Variants in ALDH3A1 observed in about 807,000 individuals in gnomAD.
ALDH3A1 encodes aldehyde dehydrogenase, dimeric NADP-preferring.
In ALDH3A1, 46 loss-of-function variants were observed where a neutral mutation model predicts 49.9. The observed-to-expected ratio is 0.92, with a 90% CI of 0.73 to 1.18. ALDH3A1 has a LOEUF of 1.18. Ranked by LOEUF, ALDH3A1 falls within the 50% of genes most tolerant of loss-of-function variation. The probability of loss-of-function intolerance (pLI) is 0.00; values close to 1 mark genes in which losing one functional copy is unlikely to be tolerated. For synonymous variants in ALDH3A1, 269 were observed against 253.3 expected (o/e 1.06, Z -0.59); for missense variants, 592 against 611.8 (o/e 0.97, Z 0.34).
intron 2 of ALDH3A1, chr17:19,744,137 C>CCTGT: frequency 1.0e-6 from 1 of 984,992 alleles, no homozygotes; most frequent in Non-Finnish European, 1.2e-6. Flanking sequence ...GTGGCTCATG[C>CCTGT]CTGTAATCCC....
Position 19,739,606 on chromosome 17 carries a change from G to A in ALDH3A1, c.1018C>T (p.Leu340=). Residue 340 remains leucine, a synonymous_variant, in exon 8 of 11, where the codon CTG becomes TTG. Coordinates refer to ENST00000225740, the MANE Select transcript of ALDH3A1 (RefSeq NM_000691.5). The part of the protein sequence containing the change: ...VMQEEIFGPV[L]PIVCVRSLEE... ...AGGCTGCGCACGCACACGATGGGCA[G>A]CACAGGCCCGAAGATCTCCTCTTGC... 7.4e-6 allele frequency: 12 copies of A among 1,613,904 alleles called. No homozygotes were observed. The highest frequency in any genetic ancestry group is 1.0e-5 in the Non-Finnish European group (12 of 1,179,952).
In ALDH3A1 at chr17:19,740,419, C is replaced by G. The variant is rs115638369; in HGVS notation, c.866G>C (p.Arg289Pro). 3.7e-6 allele frequency: 6 copies of G among 1,614,106 alleles called. No homozygotes were observed. In the African/African-American group the frequency reaches 6.7e-5, roughly 18 times the overall value. Reference protein sequence around the residue: ...SRDYGRIISARHFQRVMGLIE... With the variant: ...SRDYGRIISAPHFQRVMGLIE... ...CAGGCCCATCACCCTCTGGAAGTGC[C>G]GGGCACTAATGATTCTTCCATAGTC... Residue 289 changes from arginine to proline, a missense_variant, in exon 7 of 11, where the codon CGG (arginine) becomes CCG (proline). Physicochemically the swap from Arg to Pro is moderately radical, Grantham distance 103. Coordinates refer to ENST00000225740, the MANE Select transcript of ALDH3A1 (RefSeq NM_000691.5).
intron 2 of ALDH3A1, 56 bp downstream of exon 2, chr17:19,744,912 C>G (rs943461245): frequency 8.8e-7 from 1 of 1,133,144 alleles, no homozygotes; most frequent in Non-Finnish European, 1.2e-6. Flanking sequence ...CCCCTCCCCC[C>G]ACGCCCCATC....
chr17:19,743,549 A>G lies in ALDH3A1; in HGVS notation c.163-86T>C. ...TGGGGAGCCCCACTGCTCAGCTGCC[A>G]GGGTGATGGGGGTCACTCACCCAGC... is the stretch of plus-strand genomic sequence containing the variant. On this transcript the variant is annotated intron_variant, in intron 2 of 10. Coordinates refer to ENST00000225740, the MANE Select transcript of ALDH3A1 (RefSeq NM_000691.5). The surrounding 1 kb of genome is among the most constrained non-coding windows in gnomAD (Gnocchi z 4.4). The G allele has an allele frequency of 3.3e-6, 5 of 1,506,780 alleles. No homozygotes were observed. In the South Asian group the frequency reaches 6.7e-5, roughly 20 times the overall value. 93.3% of individuals were successfully genotyped at this position (1,506,780 alleles called of 1,614,324 possible). A position where few individuals can be genotyped will look rare whatever the true frequency, so the allele number is the denominator to read the frequency against.
Position 19,741,193 on chromosome 17 carries a change from T to C in ALDH3A1, c.707A>G (p.Lys236Arg). The change falls in exon 6 of 11, where the codon AAA (lysine) becomes AGA (arginine). Residue 236 changes from lysine (K) to arginine (R), a missense_variant. By Grantham distance (26) the Lys-to-Arg change is conservative. Transcript: ENST00000225740. ...GCAGGTCTGGCCACTGTTCATGAAT[T>C]TCCCCCAGGCGATGCGTCTGTGAGA... ...DVACRRIAWG[K>R]FMNSGQTCVA... The C allele has an allele frequency of 6.2e-7, 1 of 1,613,738 alleles. No homozygotes were observed. Among genetic ancestry groups the C allele is most frequent in the Non-Finnish European group, 8.5e-7 (1 of 1,179,750 alleles).
In ALDH3A1 at chr17:19,743,052, A is replaced by C; in HGVS notation, c.394+180T>G. The stretch of plus-strand genomic sequence containing the variant: ...CACCAGGTGTGGACACCTGAGCCTG[A>C]CTGGACCTCAGGCACCAAGAGGCCT... On this transcript the variant is annotated intron_variant, in intron 3 of 10. Transcript: ENST00000225740. This position sits in a 1 kb window ranked among gnomAD's most constrained non-coding sequence, Gnocchi z 4.4. 4 of 1,533,392 alleles carry C rather than the reference A, an allele frequency of 2.6e-6. No homozygotes were observed. The highest frequency in any genetic ancestry group is 3.5e-6 in the Non-Finnish European group (4 of 1,145,852). 95.0% of individuals were successfully genotyped at this position (1,533,392 alleles called of 1,614,324 possible). A position where few individuals can be genotyped will look rare whatever the true frequency, so the allele number is the denominator to read the frequency against.
At chr17:19,745,879 G>A (rs2086588809) in intron 1 of ALDH3A1, among the ~76,000 whole-genome samples, 1 of 152,206 alleles carries the variant, frequency 6.6e-6, no homozygotes. Context: ...AAACATTCAC[G>A]AATAAGAAAG....
At chr17:19,740,307 G>T (rs1377838580) in intron 7 of ALDH3A1, 29 bp downstream of exon 7, 2 of 1,608,558 alleles carry the variant, frequency 1.2e-6, no homozygotes, top group Non-Finnish European at 1.7e-6. Context: ...GCCTGGGCAG[G>T]TGGGCTGTGC....
At chr17:19,746,527 T>G (rs1396224510) in intron 1 of ALDH3A1, among the ~76,000 whole-genome samples, 1 of 151,536 alleles carries the variant, frequency 6.6e-6, no homozygotes, top group African/African-American at 2.4e-5. Flanking sequence ...TCAGCGAGAC[T>G]CCATCTAAAA....
At position 19,738,193 on chromosome 17, in the gene ALDH3A1, T is replaced by C. The variant is rs554106630; in HGVS notation, c.*28A>G. Reference sequence around the variant, plus strand: ...GTCCGCACTCCGATGGGACACAGTATGGCCAGGCCAGGCGGAGCAACCCCT... The same window carrying C: ...GTCCGCACTCCGATGGGACACAGTACGGCCAGGCCAGGCGGAGCAACCCCT... On this transcript the variant is annotated 3_prime_UTR_variant, in exon 11 of 11. Coordinates refer to ENST00000225740, the MANE Select transcript of ALDH3A1 (RefSeq NM_000691.5). 3 of 1,613,768 alleles carry C rather than the reference T, an allele frequency of 1.9e-6. No individual in the cohort carries two copies. Among genetic ancestry groups the C allele is most frequent in the Non-Finnish European group, 2.5e-6 (3 of 1,179,972 alleles).
chr17:19,740,300 T>A lies in ALDH3A1; in HGVS notation c.949+36A>T, dbSNP rs2086466311. 6 of 1,605,198 alleles carry A rather than the reference T, an allele frequency of 3.7e-6. No homozygotes were observed. The East Asian group carries it at 1.3e-4, about 36-fold the overall frequency. On this transcript the variant is annotated intron_variant, in intron 7 of 10. Coordinates refer to ENST00000225740, the MANE Select transcript of ALDH3A1 (RefSeq NM_000691.5). The stretch of plus-strand genomic sequence containing the variant: ...GAACTTGCTGGGGACCCCTGCAGCC[T>A]GGGCAGGTGGGCTGTGCTCTTCAGG...
intron 7 of ALDH3A1, 88 bp downstream of exon 7, chr17:19,740,248 T>TGCTGTG: frequency 6.4e-7 from 1 of 1,560,024 alleles, no homozygotes; most frequent in Non-Finnish European, 8.7e-7. Context: ...CGTGTCCGCT[T>TGCTGTG]ATCAAGCATC....
intron 2 of ALDH3A1, chr17:19,744,575 G>A: frequency 1.0e-6 from 1 of 985,438 alleles, no homozygotes; most frequent in Non-Finnish European, 1.2e-6. Flanking sequence ...GCCCCTGTGA[G>A]AACTGGGAGG....
Position 19,743,859 on chromosome 17 carries a change from T to A in ALDH3A1, c.163-396A>T. On this transcript the variant is annotated intron_variant, in intron 2 of 10. Transcript: ENST00000225740. The surrounding 1 kb of genome is among the most constrained non-coding windows in gnomAD (Gnocchi z 4.4). Reference sequence around the variant, plus strand: ...ATAGATTCGGGCACTGGGAGCTGGATCCGGGCAGGGTGGAGGGAGCCAGGC... The same window carrying A: ...ATAGATTCGGGCACTGGGAGCTGGAACCGGGCAGGGTGGAGGGAGCCAGGC... 1 of 982,488 alleles carries A rather than the reference T, an allele frequency of 1.0e-6. No individual in the cohort carries two copies. Among genetic ancestry groups the A allele is most frequent in the Non-Finnish European group, 1.2e-6 (1 of 829,056 alleles). The allele number at this position is 982,488 out of a possible 1,614,324, so 60.9% of individuals were successfully genotyped here. A position where few individuals can be genotyped will look rare whatever the true frequency, so the allele number is the denominator to read the frequency against.
chr17:19,740,107 T>G, intron 7 of ALDH3A1: 1 of 539,844 alleles, frequency 1.9e-6, no homozygotes, highest in East Asian at 3.1e-5. Flanking sequence ...GGCAGGGAGA[T>G]GAGGCCCCTC....
rs917410422 is a variant in ALDH3A1 at position 19,744,903 on chromosome 17, C to T, written c.162+65G>A. On this transcript the variant is annotated intron_variant, in intron 2 of 10. Transcript: ENST00000225740. ...CTCTCTGGGTCGCACTCTCCCCAGC[C>T]CCTCCCCCCACGCCCCATCGCATGG... 7 of 630,752 alleles carry T rather than the reference C, an allele frequency of 1.1e-5. 1 individual carries two copies. The highest frequency in any genetic ancestry group is 2.0e-4 in the East Asian group (2 of 10,078). 39.1% of individuals were successfully genotyped at this position (630,752 alleles called of 1,614,324 possible).
rs899296012 is a variant in ALDH3A1 at position 19,743,030 on chromosome 17, C to T, written c.394+202G>A. On this transcript the variant is annotated intron_variant, in intron 3 of 10. Transcript: ENST00000225740. The surrounding 1 kb of genome is among the most constrained non-coding windows in gnomAD (Gnocchi z 4.4). ...GGAAGGCAGGCCCTCTCTGTATCAC[C>T]AGGTGTGGACACCTGAGCCTGACTG... The T allele has an allele frequency of 2.0e-6, 3 of 1,532,146 alleles. No homozygotes were observed. Among genetic ancestry groups the T allele is most frequent in the African/African-American group, 2.7e-5 (2 of 72,954 alleles). 94.9% of individuals were successfully genotyped at this position (1,532,146 alleles called of 1,614,324 possible). A position where few individuals can be genotyped will look rare whatever the true frequency, so the allele number is the denominator to read the frequency against.
At chr17:19,741,908 G>A (rs1480923899) in intron 5 of ALDH3A1, 96 bp downstream of exon 5, 2 of 1,229,290 alleles carry the variant, frequency 1.6e-6, no homozygotes, top group Non-Finnish European at 2.3e-6. Flanking sequence ...GGGGGTGTCT[G>A]TGTTACTCAG....
At chr17:19,742,715 C>T in intron 3 of ALDH3A1, 85 bp from the exon 4 acceptor site, 1 of 1,602,570 alleles carries the variant, frequency 6.2e-7, no homozygotes, top group Non-Finnish European at 8.5e-7. Flanking sequence ...GAAGCCTCCC[C>T]TCCATTGTGT....
Sources: gnomAD v4.1 joint callset for allele counts (sites outside exome capture counted in the v4.1 genomes callset) on GRCh38, gnomAD v4.1.1 for gene constraint, Gnocchi (gnomAD v3.1) non-coding constraint, MANE v1.5 for transcripts, NCBI Gene and HGNC (gene_info 2026-07-23, HGNC 2026-07-21) for gene names.